DCDC1: variants seen among roughly 807,000 people sequenced by gnomAD.
The protein encoded by DCDC1 is doublecortin domain-containing protein 1.
A neutral mutation model predicts 178.3 loss-of-function variants in DCDC1; 200 were observed. The ratio of observed to expected loss-of-function variants is 1.12; its 90% CI spans 1.00 to 1.26. The LOEUF (loss-of-function observed/expected upper bound fraction) is 1.26. DCDC1 is among the 50% of genes most tolerant of loss of function. The probability of loss-of-function intolerance (pLI) is 0.00; values close to 1 mark genes in which losing one functional copy is unlikely to be tolerated. For missense variants in DCDC1, 1,983 were observed against 1,749.2 expected, an observed-to-expected ratio of 1.13 and a Z score of -2.38; for synonymous variants, 690 against 604.8, an observed-to-expected ratio of 1.14 and a Z score of -2.07.
intron 9 of DCDC1, among the ~76,000 whole-genome samples, chr11:31,170,734 T>C (rs1489220370): frequency 1.3e-5 from 2 of 152,214 alleles, no homozygotes; most frequent in Non-Finnish European, 2.9e-5. Context: ...TTGCCTACTA[T>C]AGGTTTACTC....
At chr11:31,089,086 C>A (rs758704501) in intron 17 of DCDC1, among the ~76,000 whole-genome samples, 1 of 152,158 alleles carries the variant, frequency 6.6e-6, no homozygotes, top group Non-Finnish European at 1.5e-5. Flanking sequence ...GTCTGAAGGA[C>A]TTCCTCTAAC....
At position 31,130,676 on chromosome 11, in the gene DCDC1, C is replaced by T. The variant is rs933455007; in HGVS notation, c.1315-3037G>A. 1.6e-4 allele frequency among the ~76,000 whole-genome samples: 25 copies of T among 152,136 alleles called. 1 individual carries two copies. Among genetic ancestry groups the T allele is most frequent in the Admixed American group, 4.6e-4 (7 of 15,272 alleles). The stretch of plus-strand genomic sequence containing the variant: ...TGCATTCTACTAAATCCCTACAATC[C>T]TATATAACTTATATAGTAGGTTACT... On this transcript the variant is annotated intron_variant, in intron 10 of 38. Transcript: ENST00000684477.
intron 9 of DCDC1, among the ~76,000 whole-genome samples, chr11:31,162,253 T>G (rs1188012139): frequency 6.6e-6 from 1 of 152,180 alleles, no homozygotes; most frequent in Non-Finnish European, 1.5e-5. Context: ...GTCAAATATC[T>G]TTAAATTCTA....
intron 20 of DCDC1, among the ~76,000 whole-genome samples, chr11:30,989,173 A>G (rs1057120926): frequency 3.2e-4 from 49 of 152,194 alleles, no homozygotes; most frequent in African/African-American, 1.2e-3. Flanking sequence ...GTGTTCAGTG[A>G]TGGAGAGAAA....
chr11:31,254,720 G>T (rs1944297466), intron 8 of DCDC1, among the ~76,000 whole-genome samples: 1 of 152,126 alleles, frequency 6.6e-6, no homozygotes, highest in Admixed American at 6.6e-5. Context: ...AGCTGAGCTA[G>T]GGTGACCTTG....
Position 31,105,934 on chromosome 11 carries a change from T to C in DCDC1, c.1751+863A>G, listed in dbSNP as rs11031288. ...CTATATGAAAAATTATTTTCCCTTA[T>C]TCTGTTCTACAGATAATAAGCTAAA... is the stretch of plus-strand genomic sequence containing the variant. On this transcript the variant is annotated intron_variant, in intron 13 of 38. Coordinates refer to ENST00000684477, the MANE Select transcript of DCDC1 (RefSeq NM_001387274.1). 1.9e-3 allele frequency among the ~76,000 whole-genome samples: 282 copies of C among 152,324 alleles called. 6 individuals are homozygous for C. In the East Asian group the frequency reaches 0.046, roughly 25 times the overall value.
At chr11:31,148,073 G>C (rs867251665) in intron 9 of DCDC1, among the ~76,000 whole-genome samples, 1 of 152,116 alleles carries the variant, frequency 6.6e-6, no homozygotes, top group African/African-American at 2.4e-5. Context: ...AGGGCAAGCT[G>C]AGTTCAGGTT....
intron 1 of DCDC1, among the ~76,000 whole-genome samples, chr11:31,365,032 C>T (rs991393110): frequency 5.3e-5 from 8 of 152,154 alleles, no homozygotes; most frequent in African/African-American, 1.9e-4. Flanking sequence ...AATGTCACAG[C>T]ACCTGGTATT....
chr11:31,294,856 AAGAAAGAAAG>A (rs2137455180), intron 6 of DCDC1, among the ~76,000 whole-genome samples: 1 of 143,494 alleles, frequency 7.0e-6, no homozygotes, highest in South Asian at 2.2e-4. Flanking sequence ...GAAAGAAAGA[AAGAAAGAAAG>A]AAAAAGAAAA....
chr11:31,275,933 G>A (rs1396305491), intron 7 of DCDC1, among the ~76,000 whole-genome samples: 1 of 152,184 alleles, frequency 6.6e-6, no homozygotes, highest in Non-Finnish European at 1.5e-5. Flanking sequence ...GAGACGAGAT[G>A]GTCCTTTTGT....
chr11:31,287,311 G>A (rs759589010), intron 7 of DCDC1, among the ~76,000 whole-genome samples: 7 of 151,738 alleles, frequency 4.6e-5, no homozygotes, highest in Admixed American at 1.3e-4. Context: ...GGGTTGAGAG[G>A]CAAAGATAAG....
chr11:31,269,753 A>G (rs1306498337), intron 7 of DCDC1, among the ~76,000 whole-genome samples: 3 of 152,200 alleles, frequency 2.0e-5, no homozygotes, highest in Non-Finnish European at 4.4e-5. Flanking sequence ...ATCATGCTGT[A>G]AAACCAGAAT....
At chr11:31,293,571 C>T (rs1216359010) in intron 6 of DCDC1, among the ~76,000 whole-genome samples, 1 of 152,094 alleles carries the variant, frequency 6.6e-6, no homozygotes, top group East Asian at 1.9e-4. Context: ...ACTTCACTCA[C>T]CCAACTGTAG....
At chr11:31,158,495 T>C (rs1965973519) in intron 9 of DCDC1, among the ~76,000 whole-genome samples, 1 of 152,140 alleles carries the variant, frequency 6.6e-6, no homozygotes, top group South Asian at 2.1e-4. Flanking sequence ...AACTGAAATA[T>C]TGTATTATTT....
At chr11:31,340,226 T>C (rs1950474155) in intron 1 of DCDC1, among the ~76,000 whole-genome samples, 1 of 151,438 alleles carries the variant, frequency 6.6e-6, no homozygotes, top group South Asian at 2.1e-4. Context: ...TCCCAGGATA[T>C]AAAAAAAAAT....
At chr11:31,134,659 C>G (rs208066) in intron 10 of DCDC1, among the ~76,000 whole-genome samples, 45,563 of 152,102 alleles carry the variant, frequency 0.3, 8,308 homozygotes, top group East Asian at 0.63. Flanking sequence ...TGGAATAATG[C>G]ACTTTTATAC....
intron 17 of DCDC1, among the ~76,000 whole-genome samples, chr11:31,080,539 A>G (rs971956306): frequency 2.0e-5 from 3 of 152,196 alleles, no homozygotes; most frequent in Admixed American, 6.5e-5. Context: ...ACTGTATTAA[A>G]ATAATCACCA....
At chr11:31,117,380 G>GA (rs5790850) in intron 11 of DCDC1, among the ~76,000 whole-genome samples, 44,389 of 145,228 alleles carry the variant, frequency 0.31, 7,821 homozygotes, top group East Asian at 0.62. Context: ...TTGATTTCAG[G>GA]AAAAAAAAAA....
intron 3 of DCDC1, among the ~76,000 whole-genome samples, chr11:31,322,087 G>A (rs1949394868): frequency 6.6e-6 from 1 of 152,116 alleles, no homozygotes. Flanking sequence ...ATATTGCCAT[G>A]TTTGCTTTGT....
Sources: gnomAD v4.1 joint callset for allele counts (sites outside exome capture counted in the v4.1 genomes callset) on GRCh38, gnomAD v4.1.1 for gene constraint, MANE v1.5 for transcripts, NCBI Gene and HGNC (gene_info 2026-07-23, HGNC 2026-07-21) for gene names.